The following HDAC9 variants were observed in gnomAD, a reference collection of about 807,000 sequenced individuals.
The protein encoded by HDAC9 is histone deacetylase 9, also known as MEF-2 interacting transcription repressor (MITR) protein.
In HDAC9, 41 loss-of-function variants were observed where a neutral mutation model predicts 139.4. The ratio of observed to expected loss-of-function variants is 0.29; its 90% CI spans 0.23 to 0.38. The LOEUF (loss-of-function observed/expected upper bound fraction) is 0.38, where lower values mean the gene tolerates loss of function less well. Ranked by LOEUF, HDAC9 falls within the 10% of genes least tolerant of loss-of-function variation. HDAC9 has a pLI of 1.00. For missense variants in HDAC9, 1,147 were observed against 1,297.0 expected (o/e 0.88, Z 1.78); for synonymous variants, 517 against 476.2 (o/e 1.09, Z -1.12).
At chr7:18,573,217 T>G (rs1824881076) in intron 2 of HDAC9, among the ~76,000 whole-genome samples, 2 of 152,340 alleles carry the variant, frequency 1.3e-5, no homozygotes, top group South Asian at 4.1e-4. Flanking sequence ...ACAGAATCAC[T>G]GTGAGGGAGA....
intron 1 of HDAC9, among the ~76,000 whole-genome samples, chr7:18,120,344 A>C (rs554298616): frequency 6.6e-6 from 1 of 152,206 alleles, no homozygotes; most frequent in African/African-American, 2.4e-5. Flanking sequence ...ATAAATATGC[A>C]TGCTGATCAT....
chr7:18,420,493 T>A (rs1285213613), intron 1 of HDAC9, among the ~76,000 whole-genome samples: 1 of 152,204 alleles, frequency 6.6e-6, no homozygotes, highest in Non-Finnish European at 1.5e-5. Flanking sequence ...CAGCATTGTA[T>A]CAGTGATACT....
intron 2 of HDAC9, among the ~76,000 whole-genome samples, chr7:18,163,742 G>A (rs1241643711): frequency 6.6e-6 from 1 of 151,930 alleles, no homozygotes; most frequent in Non-Finnish European, 1.5e-5. Flanking sequence ...ACCTTATATA[G>A]GTGTATATTG....
intron 22 of HDAC9, among the ~76,000 whole-genome samples, chr7:18,903,989 C>A (rs973832957): frequency 6.6e-6 from 1 of 152,120 alleles, no homozygotes; most frequent in Non-Finnish European, 1.5e-5. Flanking sequence ...ATGCTGGCTA[C>A]GATTGGGAAC....
rs372206098 is a variant in HDAC9, at chr7:18,239,301, G to C, written c.25+76952G>C. 9.2e-5 allele frequency among the ~76,000 whole-genome samples: 14 copies of C among 152,258 alleles called. No homozygotes were observed. In the East Asian group the frequency reaches 9.6e-4, roughly 10 times the overall value. ...CCATTTTATCTGGGTTACTTTGACA[G>C]ATGTAACTCTCACAAAGGATGAATA... is the stretch of plus-strand genomic sequence containing the variant. On this transcript the variant is annotated intron_variant, in intron 2 of 12. Coordinates refer to the HDAC9 transcript ENST00000417496.
intron 1 of HDAC9, among the ~76,000 whole-genome samples, chr7:18,416,283 C>G (rs1369271210): frequency 6.6e-6 from 1 of 151,134 alleles, no homozygotes; most frequent in Non-Finnish European, 1.5e-5. Context: ...GCAACAAGAG[C>G]AAAACTCCAT....
At chr7:18,364,620 C>T (rs1784036626) in intron 1 of HDAC9, among the ~76,000 whole-genome samples, 2 of 151,936 alleles carry the variant, frequency 1.3e-5, no homozygotes, top group South Asian at 4.1e-4. Flanking sequence ...AATCTCAGGC[C>T]CCCAAAGCCC....
At chr7:18,283,316 A>C (rs1584994595) in intron 2 of HDAC9, among the ~76,000 whole-genome samples, 1 of 152,274 alleles carries the variant, frequency 6.6e-6, no homozygotes, top group Middle Eastern at 3.4e-3. Context: ...ACTCACAATC[A>C]AGAGAACAGC....
intron 1 of HDAC9, among the ~76,000 whole-genome samples, chr7:18,309,282 G>T (rs1799140841): frequency 6.6e-6 from 1 of 152,078 alleles, no homozygotes; most frequent in African/African-American, 2.4e-5. Flanking sequence ...AAAATATACC[G>T]TGCCAGTGGC....
intron 16 of HDAC9, among the ~76,000 whole-genome samples, chr7:18,786,163 A>G (rs1447647895): frequency 1.3e-5 from 2 of 152,140 alleles, no homozygotes; most frequent in Non-Finnish European, 1.5e-5. Context: ...TCCCTAAGTT[A>G]TGTTTAACTC....
At chr7:18,250,128 C>T (rs186403363) in intron 2 of HDAC9, among the ~76,000 whole-genome samples, 103 of 152,158 alleles carry the variant, frequency 6.8e-4, no homozygotes, top group African/African-American at 2.3e-3. Context: ...ATATGATACT[C>T]GTATAAAGAT....
chr7:18,511,420 A>G (rs774570901), intron 2 of HDAC9, among the ~76,000 whole-genome samples: 201 of 152,270 alleles, frequency 1.3e-3, no homozygotes, highest in Non-Finnish European at 2.5e-3. Flanking sequence ...ATCTCAGTTC[A>G]GTCTTAGATG....
intron 1 of HDAC9, among the ~76,000 whole-genome samples, chr7:18,161,727 G>A (rs1330820416): frequency 6.6e-6 from 1 of 151,998 alleles, no homozygotes; most frequent in Non-Finnish European, 1.5e-5. Context: ...AATTATCATG[G>A]GAGTTTTCTG....
chr7:18,952,520 A>G (rs1337953973), intron 23 of HDAC9, among the ~76,000 whole-genome samples: 3 of 151,988 alleles, frequency 2.0e-5, no homozygotes, highest in African/African-American at 7.2e-5. Flanking sequence ...TCATTTCAAG[A>G]TATTTTATTA....
At chr7:18,432,657 C>G (rs1182721050) in intron 1 of HDAC9, among the ~76,000 whole-genome samples, 1 of 152,138 alleles carries the variant, frequency 6.6e-6, no homozygotes, top group Non-Finnish European at 1.5e-5. Flanking sequence ...GCTTGAAATA[C>G]CAGTGGAAGG....
At chr7:18,308,822 G>C (rs1457722198) in intron 1 of HDAC9, among the ~76,000 whole-genome samples, 1 of 152,142 alleles carries the variant, frequency 6.6e-6, no homozygotes, top group Non-Finnish European at 1.5e-5. Context: ...GGATTCGTAT[G>C]AGTTTTTATG....
chr7:18,795,257 T>TAAAAAAAAAAA (rs5882676), intron 17 of HDAC9, among the ~76,000 whole-genome samples: 2 of 65,482 alleles, frequency 3.1e-5, no homozygotes, highest in African/African-American at 6.9e-5. Flanking sequence ...AAGAAAACAG[T>TAAAAAAAAAAA]AAAAAAAAAA....
intron 2 of HDAC9, among the ~76,000 whole-genome samples, chr7:18,257,010 G>A (rs970759578): frequency 6.6e-6 from 1 of 152,106 alleles, no homozygotes; most frequent in East Asian, 1.9e-4. Context: ...GATTGCTTGA[G>A]CCTGGGAGGT....
chr7:18,304,936 CT>C (rs1798811833), intron 1 of HDAC9, among the ~76,000 whole-genome samples: 2 of 150,914 alleles, frequency 1.3e-5, no homozygotes, highest in Admixed American at 6.6e-5. Context: ...CTAGTGAATC[CT>C]TCCTAACACA....
Sources: allele counts gnomAD v4.1 joint callset (sites outside exome capture counted in the v4.1 genomes callset), GRCh38; gene constraint gnomAD v4.1.1; transcripts MANE v1.5; gene names NCBI Gene and HGNC (gene_info 2026-07-23, HGNC 2026-07-21).